Variants in NT5DC1 observed in about 807,000 individuals in gnomAD.
The protein encoded by NT5DC1 is 5'-nucleotidase domain-containing protein 1.
NT5DC1 carries 42 observed loss-of-function variants against 59.4 expected under a neutral mutation model. That is an observed-to-expected ratio of 0.71 (90% CI 0.55 to 0.92). NT5DC1 has a LOEUF of 0.92. Ranked by LOEUF, NT5DC1 falls within the 40% of genes least tolerant of loss-of-function variation. The pLI, the probability that NT5DC1 is intolerant of heterozygous loss-of-function variation, is 0.00. For synonymous variants in NT5DC1, 172 were observed against 188.1 expected, an observed-to-expected ratio of 0.91 and a Z score of 0.70; for missense variants, 501 against 537.1, an observed-to-expected ratio of 0.93 and a Z score of 0.66.
Position 116,248,217 on chromosome 6 carries a change from A to T in NT5DC1, c.*4193A>T, listed in dbSNP as rs1482372041. The T allele has an allele frequency of 6.6e-6, 1 of 152,220 alleles. No individual in the cohort carries two copies. The highest frequency in any genetic ancestry group is 1.5e-5 in the Non-Finnish European group (1 of 68,032). The allele number at this position is 152,220 out of a possible 1,614,324, so 9.4% of individuals were successfully genotyped here. A position where few individuals can be genotyped will look rare whatever the true frequency, so the allele number is the denominator to read the frequency against. The stretch of plus-strand genomic sequence containing the variant: ...AACTCAACAGTGAGACTTGCATCTT[A>T]GGCAGTTCTACTTTCTGGACCTCTG... On this transcript the variant is annotated 3_prime_UTR_variant, in exon 12 of 12. Coordinates refer to ENST00000319550, the MANE Select transcript of NT5DC1 (RefSeq NM_152729.3).
chr6:116,160,194 G>A (rs1780295630), intron 6 of NT5DC1, among the ~76,000 whole-genome samples: 1 of 152,078 alleles, frequency 6.6e-6, no homozygotes, highest in Admixed American at 6.6e-5. Context: ...TGCCCATAAT[G>A]TTTTCCAAAA....
rs367777524 is a variant in NT5DC1, at chr6:116,172,353, G to A, written c.530-48701G>A. ...TTTTTTTTTTTTGAGATAGAGTCTCGCTCTGTTGCCCAGGCTGGAGTGCAG... is the reference window on the plus strand; with the variant it reads ...TTTTTTTTTTTTGAGATAGAGTCTCACTCTGTTGCCCAGGCTGGAGTGCAG... On this transcript the variant is annotated intron_variant, in intron 6 of 11. Transcript: ENST00000319550. Among the ~76,000 whole-genome samples the A allele has an allele frequency of 6.9e-4, 84 of 120,938 alleles. 1 individual carries two copies. The East Asian group carries it at 0.013, about 18-fold the overall frequency. 79.3% of individuals were successfully genotyped at this position (120,938 alleles called of 152,430 possible).
intron 6 of NT5DC1, among the ~76,000 whole-genome samples, chr6:116,129,286 T>C (rs1779406682): frequency 6.6e-6 from 1 of 152,204 alleles, no homozygotes; most frequent in South Asian, 2.1e-4. Context: ...TCCACATATA[T>C]TTTTTATTGA....
intron 8 of NT5DC1, among the ~76,000 whole-genome samples, chr6:116,226,657 A>C (rs1390578745): frequency 6.6e-6 from 1 of 152,086 alleles, no homozygotes; most frequent in Non-Finnish European, 1.5e-5. Context: ...ATTTTTAAAT[A>C]TTATACTCAT....
At chr6:116,194,253 G>A (rs944480171) in intron 6 of NT5DC1, among the ~76,000 whole-genome samples, 2 of 151,918 alleles carry the variant, frequency 1.3e-5, no homozygotes, top group Non-Finnish European at 2.9e-5. Flanking sequence ...TTCAAATGAC[G>A]GAGTTTATAA....
At chr6:116,226,303 T>C (rs1178549609) in intron 8 of NT5DC1, among the ~76,000 whole-genome samples, 2 of 152,130 alleles carry the variant, frequency 1.3e-5, no homozygotes, top group African/African-American at 4.8e-5. Context: ...CAAGAAAATC[T>C]ATACCCCTTT....
At chr6:116,195,199 G>A (rs1781198438) in intron 6 of NT5DC1, among the ~76,000 whole-genome samples, 1 of 152,030 alleles carries the variant, frequency 6.6e-6, no homozygotes, top group Non-Finnish European at 1.5e-5. Flanking sequence ...ACATACTGAA[G>A]TTATAATATA....
chr6:116,192,129 G>T (rs1268197182), intron 6 of NT5DC1, among the ~76,000 whole-genome samples: 1 of 152,012 alleles, frequency 6.6e-6, no homozygotes, highest in Non-Finnish European at 1.5e-5. Flanking sequence ...AGAGAGAGTG[G>T]TAGTCTGTGT....
At chr6:116,182,391 G>C (rs911301364) in intron 6 of NT5DC1, among the ~76,000 whole-genome samples, 1 of 151,776 alleles carries the variant, frequency 6.6e-6, no homozygotes, top group Non-Finnish European at 1.5e-5. Context: ...TTTTCCTCTG[G>C]GTAGATACTC....
chr6:116,241,923 AAAAAAAAAAAAAAAACAAAAC>A (rs200081070), intron 11 of NT5DC1, among the ~76,000 whole-genome samples: 21,301 of 68,794 alleles, frequency 0.31, 2,232 homozygotes, highest in East Asian at 0.58. Context: ...ACTCCGTCTC[AAAAAAAAAAAAAAAACAAAAC>A]AAAAAAAAAA....
At chr6:116,162,316 G>T (rs1780355141) in intron 6 of NT5DC1, among the ~76,000 whole-genome samples, 1 of 152,114 alleles carries the variant, frequency 6.6e-6, no homozygotes, top group East Asian at 1.9e-4. Context: ...TTACTATGTT[G>T]AATAGGAGTG....
intron 6 of NT5DC1, among the ~76,000 whole-genome samples, chr6:116,184,457 T>G (rs1780951494): frequency 6.6e-6 from 1 of 151,862 alleles, no homozygotes; most frequent in East Asian, 1.9e-4. Context: ...TAGTGTCAAT[T>G]GGATTGGTAC....
chr6:116,185,909 A>G (rs896042101), intron 6 of NT5DC1, among the ~76,000 whole-genome samples: 2 of 151,968 alleles, frequency 1.3e-5, no homozygotes, highest in Admixed American at 6.6e-5. Flanking sequence ...TTCATCCTGC[A>G]AGTTGTTTCC....
At chr6:116,187,312 T>C (rs1387494954) in intron 6 of NT5DC1, among the ~76,000 whole-genome samples, 1 of 152,034 alleles carries the variant, frequency 6.6e-6, no homozygotes, top group Non-Finnish European at 1.5e-5. Context: ...TGTATTTTTG[T>C]TAAGTCCAAC....
chr6:116,142,515 T>C (rs1028631016), intron 6 of NT5DC1, among the ~76,000 whole-genome samples: 2 of 152,126 alleles, frequency 1.3e-5, no homozygotes, highest in East Asian at 3.8e-4. Context: ...GATTATTTGG[T>C]TGAAATTTGT....
intron 6 of NT5DC1, among the ~76,000 whole-genome samples, chr6:116,131,474 A>G (rs912433745): frequency 6.6e-6 from 1 of 152,154 alleles, no homozygotes; most frequent in African/African-American, 2.4e-5. Context: ...TAAATGACTC[A>G]GTTTTTCTTG....
At chr6:116,107,718 G>A (rs1193875244) in intron 2 of NT5DC1, among the ~76,000 whole-genome samples, 3 of 151,150 alleles carry the variant, frequency 2.0e-5, no homozygotes, top group Non-Finnish European at 3.0e-5. Context: ...GACTACAGGC[G>A]CCCGCCACTA....
At position 116,179,337 on chromosome 6, in the gene NT5DC1, G is replaced by A. The variant is rs561387621; in HGVS notation, c.530-41717G>A. Among the ~76,000 whole-genome samples, 219 of 152,230 alleles carry A rather than the reference G, an allele frequency of 1.4e-3. 2 individuals carry two copies. Among genetic ancestry groups the A allele is most frequent in the Middle Eastern group, 6.8e-3 (2 of 294 alleles). ...ATTTACATTCTTATACTGATCAGAT[G>A]TTAATACTTTCTTCAGAGAATTGGG... On this transcript the variant is annotated intron_variant, in intron 6 of 11. Transcript: ENST00000319550.
intron 7 of NT5DC1, among the ~76,000 whole-genome samples, chr6:116,222,072 A>G (rs1399496226): frequency 6.6e-6 from 1 of 152,176 alleles, no homozygotes; most frequent in Non-Finnish European, 1.5e-5. Flanking sequence ...TTTTAGCATC[A>G]TGATTTCCAT....
Sources: allele counts gnomAD v4.1 joint callset (sites outside exome capture counted in the v4.1 genomes callset), GRCh38; gene constraint gnomAD v4.1.1; transcripts MANE v1.5; gene names NCBI Gene and HGNC (gene_info 2026-07-23, HGNC 2026-07-21).